The following MAJIN variants were observed in gnomAD, a reference collection of about 807,000 sequenced individuals.
MAJIN encodes the protein membrane anchored junction protein.
MAJIN carries 27 observed loss-of-function variants against 30.2 expected under a neutral mutation model. The ratio of observed to expected loss-of-function variants is 0.89; its 90% CI spans 0.66 to 1.23. The LOEUF (loss-of-function observed/expected upper bound fraction) is 1.23. Ranked by LOEUF, MAJIN falls within the 50% of genes most tolerant of loss-of-function variation. The probability of loss-of-function intolerance (pLI) is 0.00; values close to 1 mark genes in which losing one functional copy is unlikely to be tolerated. For missense variants in MAJIN, 253 were observed against 260.3 expected (o/e 0.97, Z 0.19); for synonymous variants, 78 against 91.6 (o/e 0.85, Z 0.85).
At chr11:64,939,414 T>C (rs565364803) in intron 10 of MAJIN, among the ~76,000 whole-genome samples, 1 of 152,338 alleles carries the variant, frequency 6.6e-6, no homozygotes, top group Admixed American at 6.5e-5. Flanking sequence ...TTAATGTTTA[T>C]GGGGCTTGGC....
rs368700169 is a variant in MAJIN at position 64,954,739 on chromosome 11, G to T, written c.147+18C>A. 28 of 1,611,328 alleles carry T rather than the reference G, an allele frequency of 1.7e-5. No individual in the cohort carries two copies. Among genetic ancestry groups the T allele is most frequent in the Non-Finnish European group, 2.3e-5 (27 of 1,177,710 alleles). On this transcript the variant is annotated intron_variant, in intron 4 of 10. Transcript: ENST00000301896. Reference sequence around the variant, plus strand: ...TTAAAGAGTAACTTTTCCAGAAGTCGTATGCTTCTTTCCCTACCTCCAGCT... The same window carrying T: ...TTAAAGAGTAACTTTTCCAGAAGTCTTATGCTTCTTTCCCTACCTCCAGCT...
At chr11:64,966,673 C>T (rs762905900) in intron 1 of MAJIN, among the ~76,000 whole-genome samples, 2 of 152,060 alleles carry the variant, frequency 1.3e-5, no homozygotes, top group Non-Finnish European at 1.5e-5. Context: ...TAGCTCACGC[C>T]TTGTAATCCC....
chr11:64,954,772 G>C lies in MAJIN; in HGVS notation c.132C>G (p.Ile44Met). 1 of 1,613,288 alleles carries C rather than the reference G, an allele frequency of 6.2e-7. No individual in the cohort carries two copies. Among genetic ancestry groups the C allele is most frequent in the Non-Finnish European group, 8.5e-7 (1 of 1,179,692 alleles). The change falls in exon 4 of 11, where the codon ATC (isoleucine) becomes ATG (methionine). Residue 44 changes from isoleucine to methionine, a missense_variant. By Grantham distance (10) the Ile-to-Met change is conservative (BLOSUM62 1). Coordinates refer to ENST00000301896, the MANE Select transcript of MAJIN (RefSeq NM_001037225.3). ...RGEEIENKEVITQELEDSVRV... is the reference protein window; with the variant it reads ...RGEEIENKEVMTQELEDSVRV... ...CTTTCCCTACCTCCAGCTCCTGGGT[G>C]ATGACTTCCTTATTTTCTATCTCTT...
At chr11:64,952,564 C>T (rs750923211) in intron 4 of MAJIN, among the ~76,000 whole-genome samples, 3 of 152,096 alleles carry the variant, frequency 2.0e-5, no homozygotes, top group African/African-American at 4.8e-5. Context: ...ATTTTACAGA[C>T]GGGGAAACAG....
At chr11:64,958,395 C>T (rs1945668949) in intron 3 of MAJIN, among the ~76,000 whole-genome samples, 1 of 151,800 alleles carries the variant, frequency 6.6e-6, no homozygotes, top group Non-Finnish European at 1.5e-5. Flanking sequence ...GAGGGAGGAT[C>T]CCTTGGGCCC....
At chr11:64,950,532 G>T in intron 4 of MAJIN, 102 bp from the exon 5 acceptor site, 3 of 953,120 alleles carry the variant, frequency 3.1e-6, no homozygotes, top group Non-Finnish European at 4.8e-6. Flanking sequence ...TATCAAAACT[G>T]AACTATTTGC....
At chr11:64,964,715 T>C (rs1439399527) in intron 1 of MAJIN, among the ~76,000 whole-genome samples, 1 of 151,136 alleles carries the variant, frequency 6.6e-6, no homozygotes, top group African/African-American at 2.4e-5. Flanking sequence ...GCGTCTCGAG[T>C]AGCTTGTACT....
chr11:64,969,453 A>G (rs554561917), intron 1 of MAJIN, among the ~76,000 whole-genome samples: 1 of 151,546 alleles, frequency 6.6e-6, no homozygotes, highest in Non-Finnish European at 1.5e-5. Context: ...TGAAGGGTAT[A>G]ATAAAAAAAA....
In MAJIN at chr11:64,939,664, T is replaced by C. The variant is rs1383862456; in HGVS notation, c.650A>G (p.Ter217=). 3.1e-6 allele frequency: 5 copies of C among 1,613,538 alleles called. No homozygotes were observed. The East Asian group carries it at 1.1e-4, about 36-fold the overall frequency. ...ATGCCGGACAGAAGCTGTCTTACCT[T>C]AGAAACCCAAAGAAGCCGGTGGCTG... is the stretch of plus-strand genomic sequence containing the variant. The part of the protein sequence containing the change: ...SEQPPASLGF[*] The change falls in exon 10 of 11, where the codon TAA becomes TGA. Residue 217 remains the stop codon, a splice_region_variant and stop_retained_variant. Coordinates refer to ENST00000301896, the MANE Select transcript of MAJIN (RefSeq NM_001037225.3).
intron 4 of MAJIN, among the ~76,000 whole-genome samples, chr11:64,951,893 T>C (rs1945557365): frequency 6.6e-6 from 1 of 152,094 alleles, no homozygotes; most frequent in Non-Finnish European, 1.5e-5. Context: ...AGTGTTACTG[T>C]TTTTTGTTTT....
At chr11:64,967,098 C>T (rs749944664) in intron 1 of MAJIN, among the ~76,000 whole-genome samples, 2 of 151,090 alleles carry the variant, frequency 1.3e-5, no homozygotes, top group Admixed American at 6.6e-5. Flanking sequence ...AGTGAGCCCT[C>T]GTCTGTATCA....
rs747416147 is a variant in MAJIN at position 64,959,376 on chromosome 11, A to C, written c.30T>G (p.Phe10Leu). Residue 10 changes from phenylalanine to leucine, a missense_variant, in exon 3 of 11, where the codon TTT (phenylalanine) becomes TTG (leucine). Coordinates refer to ENST00000301896, the MANE Select transcript of MAJIN (RefSeq NM_001037225.3). MSLKPFTYP[F>L]PETRFLHAGP... ...CTGCATGAAGAAACCTCGTCTCTGG[A>C]AACGGGTAGGTAAAGGGTTTTAAAC... is the stretch of plus-strand genomic sequence containing the variant. The C allele has an allele frequency of 6.2e-6, 10 of 1,613,932 alleles. No individual in the cohort carries two copies. The highest frequency in any genetic ancestry group is 2.7e-5 in the African/African-American group (2 of 74,926).
At chr11:64,953,795 A>C (rs1945591741) in intron 4 of MAJIN, among the ~76,000 whole-genome samples, 1 of 151,962 alleles carries the variant, frequency 6.6e-6, no homozygotes, top group Non-Finnish European at 1.5e-5. Context: ...ATCTCAAAAA[A>C]CAAACAAACA....
At chr11:64,956,837 G>A (rs913338884) in intron 3 of MAJIN, among the ~76,000 whole-genome samples, 1 of 129,186 alleles carries the variant, frequency 7.7e-6, no homozygotes, top group Non-Finnish European at 1.6e-5. Context: ...CGCAATCTCC[G>A]CTCACTGCAA....
chr11:64,956,800 CTT>C (rs1226805065), intron 3 of MAJIN, among the ~76,000 whole-genome samples: 3 of 112,340 alleles, frequency 2.7e-5, no homozygotes, highest in Non-Finnish European at 3.5e-5. Context: ...TTGTTTCGCT[CTT>C]GTTGCCCAGG....
At position 64,949,882 on chromosome 11, in the gene MAJIN, C is replaced by T; in HGVS notation, c.224-14G>A. The T allele has an allele frequency of 1.2e-6, 2 of 1,600,754 alleles. No individual in the cohort carries two copies. Among genetic ancestry groups the T allele is most frequent in the South Asian group, 2.2e-5 (2 of 91,016 alleles). ...ATTTGCTTTTATCTGGAAAATGGTG[C>T]TAAGGAGTAAGGAAAGATGCCAGTA... On this transcript the variant is annotated splice_polypyrimidine_tract_variant and intron_variant, in intron 5 of 10. Coordinates refer to ENST00000301896, the MANE Select transcript of MAJIN (RefSeq NM_001037225.3).
Position 64,947,417 on chromosome 11 carries a change from G to C in MAJIN, c.430C>G (p.His144Asp). The change falls in exon 8 of 11, where the codon CAC (histidine) becomes GAC (aspartate). Residue 144 changes from histidine to aspartate, a missense_variant. Transcript: ENST00000301896. ...CTGGGGGAGCTGGGCTCGTCCATGT[G>C]TTTTCGTTTCCTCATCACAGCTCCT... ...AVGAVMRKRK[H>D]MDEPSSPSRP... 1 of 1,613,874 alleles carries C rather than the reference G, an allele frequency of 6.2e-7. No homozygotes were observed. The highest frequency in any genetic ancestry group is 1.6e-4 in the Middle Eastern group (1 of 6,062).
At chr11:64,969,575 C>T (rs1206852105) in intron 1 of MAJIN, among the ~76,000 whole-genome samples, 2 of 152,048 alleles carry the variant, frequency 1.3e-5, no homozygotes, top group African/African-American at 4.8e-5. Context: ...AGCTAGGAGC[C>T]TCCTGCGGCT....
At chr11:64,965,123 A>C (rs1005246614) in intron 1 of MAJIN, among the ~76,000 whole-genome samples, 1 of 152,240 alleles carries the variant, frequency 6.6e-6, no homozygotes, top group Non-Finnish European at 1.5e-5. Flanking sequence ...GACTAATGAC[A>C]TAAGACTACC....
Sources: allele counts gnomAD v4.1 joint callset (sites outside exome capture counted in the v4.1 genomes callset), GRCh38; gene constraint gnomAD v4.1.1; transcripts MANE v1.5; gene names NCBI Gene and HGNC (gene_info 2026-07-23, HGNC 2026-07-21).